Variants in P2RX6 observed in about 807,000 individuals in gnomAD.
P2RX6 encodes the protein P2X purinoceptor 6.
Under a neutral mutation model 54.2 loss-of-function variants are expected in P2RX6, and 62 were observed. That is an observed-to-expected ratio of 1.14 (90% CI 0.93 to 1.41). The LOEUF (loss-of-function observed/expected upper bound fraction) is 1.41, where lower values mean the gene tolerates loss of function less well. Among genes scored for constraint, P2RX6 ranks in the 40% most tolerant of loss-of-function variants. The pLI, the probability that P2RX6 is intolerant of heterozygous loss-of-function variation, is 0.00. For missense variants in P2RX6, 541 were observed against 566.3 expected (o/e 0.96, Z 0.45); for synonymous variants, 211 against 231.9 (o/e 0.91, Z 0.82).
At chr22:21,018,388 C>A in intron 3 of P2RX6, 1 of 372,930 alleles carries the variant, frequency 2.7e-6, no homozygotes, top group Non-Finnish European at 5.2e-6. Context: ...CAGGCCCTCC[C>A]ATCCTGGTCC....
At chr22:21,010,330 T>C (rs976366596), upstream of P2RX6, 3 of 152,272 alleles carry the variant, frequency 2.0e-5, no homozygotes, top group Non-Finnish European at 4.4e-5. Flanking sequence ...GAGACACCTA[T>C]GTTCAGTTTG....
In P2RX6 at chr22:21,023,026, T is replaced by C; in HGVS notation, c.548T>C (p.Val183Ala). 6.2e-7 allele frequency: 1 copy of C among 1,613,352 alleles called. No homozygotes were observed. The highest frequency in any genetic ancestry group is 1.6e-4 in the Middle Eastern group (1 of 6,062). ...IWSWCPVESG[V>A]VPSRPLLAQA... Reference sequence around the variant, plus strand: ...AGTTGGTGCCCCGTGGAGAGTGGCGTTGTGCCCTCGTAAGTGTCCCCACAA... The same window carrying C: ...AGTTGGTGCCCCGTGGAGAGTGGCGCTGTGCCCTCGTAAGTGTCCCCACAA... Residue 183 changes from valine (V) to alanine (A), a missense_variant, in exon 5 of 12, where the codon GTT becomes GCT. Coordinates refer to ENST00000413302, the MANE Select transcript of P2RX6 (RefSeq NM_005446.5).
chr22:21,026,521 A>G lies in P2RX6; in HGVS notation c.1230A>G (p.Ala410=), dbSNP rs200393989. 1.9e-6 allele frequency: 3 copies of G among 1,590,976 alleles called. No individual in the cohort carries two copies. The highest frequency in any genetic ancestry group is 4.6e-5 in the East Asian group (2 of 43,510). ...GCCTCAGACGGAGCTCAGCACCTGC[A>G]CCCACGGCCACTGCTGCTGGGAGTC... ...AECLRRSSAP[A]PTATAAGSQT... Residue 410 remains alanine, a synonymous_variant, in exon 12 of 12, where the codon GCA becomes GCG. Coordinates refer to ENST00000413302, the MANE Select transcript of P2RX6 (RefSeq NM_005446.5). The surrounding 1 kb of genome is among the most constrained non-coding windows in gnomAD (Gnocchi z 4.0).
At chr22:21,024,878 G>GTGTGTGT (rs58685165) in intron 8 of P2RX6, among the ~76,000 whole-genome samples, 1 of 110,758 alleles carries the variant, frequency 9.0e-6, no homozygotes, top group African/African-American at 3.5e-5. Flanking sequence ...TTTTTTTTGT[G>GTGTGTGT]TTTTTTTTTT....
intron 3 of P2RX6, among the ~76,000 whole-genome samples, chr22:21,022,204 C>T (rs891676155): frequency 1.3e-5 from 2 of 148,552 alleles, no homozygotes; most frequent in Admixed American, 1.3e-4. Flanking sequence ...TCCATCTCTA[C>T]AAAAAAAAAA....
chr22:21,025,968 C>G (rs1928370072), intron 9 of P2RX6, 43 bp from the exon 10 acceptor site: 1 of 1,592,300 alleles, frequency 6.3e-7, no homozygotes, highest in Admixed American at 1.8e-5. Context: ...AGGCATGAGG[C>G]TGACAGTCGT....
chr22:21,013,390 A>G (rs1925878520), upstream of P2RX6, among the ~76,000 whole-genome samples: 1 of 152,232 alleles, frequency 6.6e-6, no homozygotes, highest in Non-Finnish European at 1.5e-5. Flanking sequence ...TACAGCTGTC[A>G]AAAGAAAGCT....
Position 21,026,851 on chromosome 22 carries a change from C to T in P2RX6, c.*234C>T. 4.9e-6 allele frequency: 4 copies of T among 811,940 alleles called. No homozygotes were observed. The highest frequency in any genetic ancestry group is 5.5e-5 in the East Asian group (2 of 36,134). 50.3% of individuals were successfully genotyped at this position (811,940 alleles called of 1,614,324 possible). ...ACCCGTGGAGACTGGGAGAGCCCAG[C>T]AGGCACCTGTATTGCAGGGCTCCGA... On this transcript the variant is annotated 3_prime_UTR_variant, in exon 12 of 12. Coordinates refer to ENST00000413302, the MANE Select transcript of P2RX6 (RefSeq NM_005446.5). The surrounding 1 kb of genome is among the most constrained non-coding windows in gnomAD (Gnocchi z 4.0).
At chr22:21,020,004 C>T (rs1315186757) in intron 3 of P2RX6, among the ~76,000 whole-genome samples, 3 of 152,224 alleles carry the variant, frequency 2.0e-5, no homozygotes, top group South Asian at 2.1e-4. Flanking sequence ...GTGGCTATCA[C>T]AAACATGTCA....
At position 21,015,347 on chromosome 22, in the gene P2RX6, G is replaced by A. The variant is rs778464709; in HGVS notation, c.164+9G>A. On this transcript the variant is annotated intron_variant, in intron 1 of 11. Transcript: ENST00000413302. ...GTGGTCTATGTGGTAGGGTAAGAGA[G>A]AAGAGCTTTTGGCCAGGCTGGAGGG... 3.2e-6 allele frequency: 5 copies of A among 1,545,388 alleles called. No individual in the cohort carries two copies. The highest frequency in any genetic ancestry group is 2.6e-6 in the Non-Finnish European group (3 of 1,156,074).
upstream of P2RX6, chr22:21,013,259 A>C (rs1925866568): frequency 6.4e-6 from 1 of 155,156 alleles, no homozygotes; most frequent in Admixed American, 6.5e-5. Context: ...GCCCTGCATC[A>C]CTACCTGGCC....
upstream of P2RX6, among the ~76,000 whole-genome samples, chr22:21,010,812 C>G (rs1569164693): frequency 1.3e-5 from 2 of 152,020 alleles, no homozygotes; most frequent in Admixed American, 6.6e-5. Flanking sequence ...GCCCTCTGCC[C>G]TCTCCACCCC....
intron 6 of P2RX6, 26 bp downstream of exon 6, chr22:21,023,224 C>A: frequency 6.2e-7 from 1 of 1,613,322 alleles, no homozygotes; most frequent in South Asian, 1.1e-5. Context: ...CTCATCTGCC[C>A]CAAGACCCTC....
chr22:21,026,628 C>T lies in P2RX6; in HGVS notation c.*11C>T. On this transcript the variant is annotated 3_prime_UTR_variant, in exon 12 of 12. Coordinates refer to ENST00000413302, the MANE Select transcript of P2RX6 (RefSeq NM_005446.5). This position sits in a 1 kb window ranked among gnomAD's most constrained non-coding sequence, Gnocchi z 4.0. ...TCCGGGAGCCTGTAGCCGTTCCCTG[C>T]TGGTTGAGAGTTGGGGGCTGGGAAG... 2 of 1,569,806 alleles carry T rather than the reference C, an allele frequency of 1.3e-6. No individual in the cohort carries two copies. Among genetic ancestry groups the T allele is most frequent in the Non-Finnish European group, 1.7e-6 (2 of 1,157,982 alleles).
intron 3 of P2RX6, among the ~76,000 whole-genome samples, chr22:21,020,580 T>TTTTTTTTTTTTTC (rs1491582221): frequency 6.3e-5 from 3 of 47,660 alleles, no homozygotes; most frequent in South Asian, 1.3e-3. Context: ...GAGCAGAATC[T>TTTTTTTTTTTTTC]TTTTTTTTTT....
chr22:21,012,091 C>A (rs938235911), upstream of P2RX6, among the ~76,000 whole-genome samples: 16 of 152,078 alleles, frequency 1.1e-4, no homozygotes, highest in African/African-American at 3.6e-4. Flanking sequence ...GGAAACTGAG[C>A]TGCTTTCATA....
intron 2 of P2RX6, among the ~76,000 whole-genome samples, 171 bp downstream of exon 2, chr22:21,016,263 A>T (rs1926367761): frequency 6.6e-6 from 1 of 152,072 alleles, no homozygotes; most frequent in Non-Finnish European, 1.5e-5. Context: ...ACTTTCAGGG[A>T]TGTGTAGGAG....
Position 21,023,342 on chromosome 22 carries a change from C to T in P2RX6, c.706C>T (p.Pro236Ser). ...KHCRYEPQFS[P>S]YCPVFRIGDL... ...CTGCCGCTATGAACCACAATTCAGCCCCTACTGTCCCGTGTTCCGCATTGG... is the reference window on the plus strand; with the variant it reads ...CTGCCGCTATGAACCACAATTCAGCTCCTACTGTCCCGTGTTCCGCATTGG... Residue 236 changes from proline (P) to serine (S), a missense_variant, in exon 7 of 12, where the codon CCC becomes TCC. Transcript: ENST00000413302. 1 of 1,613,922 alleles carries T rather than the reference C, an allele frequency of 6.2e-7. No individual in the cohort carries two copies. Among genetic ancestry groups the T allele is most frequent in the South Asian group, 1.1e-5 (1 of 91,076 alleles).
At chr22:21,013,421 C>T (rs1290982287), upstream of P2RX6, among the ~76,000 whole-genome samples, 5 of 152,114 alleles carry the variant, frequency 3.3e-5, no homozygotes, top group Non-Finnish European at 5.9e-5. Flanking sequence ...GGCAACATAG[C>T]GAGATAAAAA....
Sources: gnomAD v4.1 joint callset for allele counts (sites outside exome capture counted in the v4.1 genomes callset) on GRCh38, gnomAD v4.1.1 for gene constraint, Gnocchi (gnomAD v3.1) non-coding constraint, MANE v1.5 for transcripts, NCBI Gene and HGNC (gene_info 2026-07-23, HGNC 2026-07-21) for gene names.